Variants in SLC6A20 observed in about 807,000 individuals in gnomAD.
SLC6A20 encodes the protein sodium- and chloride-dependent transporter XTRP3.
Under a neutral mutation model 64.3 loss-of-function variants are expected in SLC6A20, and 73 were observed. The observed-to-expected ratio is 1.14, with a 90% CI of 0.94 to 1.38. SLC6A20 has a LOEUF of 1.38. Among genes scored for constraint, SLC6A20 ranks in the 40% most tolerant of loss-of-function variants. SLC6A20 has a pLI of 0.00. For synonymous variants in SLC6A20, 347 were observed against 329.6 expected (o/e 1.05, Z -0.57); for missense variants, 725 against 772.8 (o/e 0.94, Z 0.73).
Position 45,796,325 on chromosome 3 carries a change from G to T in SLC6A20, c.95C>A (p.Pro32Gln). Residue 32 changes from proline to glutamine, a missense_variant, in exon 1 of 11, where the codon CCG (proline) becomes CAG (glutamine). Transcript: ENST00000358525. ...AVGLGNVWRF[P>Q]YLCQMYGGGS... ...TCCGCCGTACATCTGGCACAGGTACGGGAATCGCCACACGTTGCCCAGGCC... is the reference window on the plus strand; with the variant it reads ...TCCGCCGTACATCTGGCACAGGTACTGGAATCGCCACACGTTGCCCAGGCC... 1 of 1,612,128 alleles carries T rather than the reference G, an allele frequency of 6.2e-7. No individual in the cohort carries two copies. The highest frequency in any genetic ancestry group is 8.5e-7 in the Non-Finnish European group (1 of 1,179,320).
intron 4 of SLC6A20, among the ~76,000 whole-genome samples, chr3:45,773,645 G>A (rs761989748): frequency 6.6e-6 from 1 of 152,154 alleles, no homozygotes; most frequent in Admixed American, 6.5e-5. Context: ...GAGTCTCTCT[G>A]TGAGAAATAT....
chr3:45,794,304 G>A (rs1347433945), intron 1 of SLC6A20, among the ~76,000 whole-genome samples: 2 of 152,158 alleles, frequency 1.3e-5, no homozygotes, highest in Non-Finnish European at 1.5e-5. Context: ...TGGAAATATT[G>A]GACAAGTGGT....
intron 1 of SLC6A20, 22 bp downstream of exon 1, chr3:45,796,277 C>A (rs1340327022): frequency 5.7e-6 from 9 of 1,583,716 alleles, no homozygotes; most frequent in Admixed American, 1.8e-5. Flanking sequence ...TGGGCTGGGG[C>A]CGGGGCGCGG....
intron 1 of SLC6A20, among the ~76,000 whole-genome samples, chr3:45,784,954 A>G (rs1203270934): frequency 2.6e-5 from 4 of 152,172 alleles, no homozygotes; most frequent in Admixed American, 6.5e-5. Context: ...TCAATAACAA[A>G]AACACTCCTG....
At chr3:45,773,233 G>A (rs1373073697) in intron 4 of SLC6A20, among the ~76,000 whole-genome samples, 3 of 152,238 alleles carry the variant, frequency 2.0e-5, no homozygotes, top group African/African-American at 7.2e-5. Context: ...GCAGCGAGGT[G>A]TAGCGTAGAG....
intron 5 of SLC6A20, 180 bp downstream of exon 5, chr3:45,772,325 C>A: frequency 1.8e-6 from 1 of 547,546 alleles, no homozygotes; most frequent in Non-Finnish European, 3.2e-6. Context: ...GATGACCTGG[C>A]TGAGGAGGTG....
At chr3:45,792,469 A>G (rs1011877794) in intron 1 of SLC6A20, among the ~76,000 whole-genome samples, 4 of 152,234 alleles carry the variant, frequency 2.6e-5, no homozygotes, top group African/African-American at 9.6e-5. Flanking sequence ...TGCCTGGCAC[A>G]TGCTAGGAGC....
intron 7 of SLC6A20, among the ~76,000 whole-genome samples, chr3:45,767,458 AAG>A (rs1192917799): frequency 5.3e-5 from 8 of 152,324 alleles, no homozygotes; most frequent in East Asian, 3.9e-4. Context: ...TGCAGCTGAA[AAG>A]AGAGTTAGTG....
intron 7 of SLC6A20, among the ~76,000 whole-genome samples, chr3:45,767,130 G>A (rs149324790): frequency 1.8e-4 from 27 of 152,280 alleles, no homozygotes; most frequent in African/African-American, 6.0e-4. Context: ...TTTATGTGCT[G>A]ACAACAAGGG....
Position 45,796,303 on chromosome 3 carries a change from G to A in SLC6A20, c.117C>T (p.Gly39=). 3.1e-6 allele frequency: 5 copies of A among 1,606,530 alleles called. 1 individual carries two copies. The Admixed American group carries it at 5.1e-5, about 16-fold the overall frequency. The change falls in exon 1 of 11, where the codon GGC becomes GGT. Residue 39 remains glycine (G), a synonymous_variant. Transcript: ENST00000358525. ...CGGGGCGCGGTGGGCACTCACCTCCGCCGTACATCTGGCACAGGTACGGGA... is the reference window on the plus strand; with the variant it reads ...CGGGGCGCGGTGGGCACTCACCTCCACCGTACATCTGGCACAGGTACGGGA... ...WRFPYLCQMY[G]GGSFLVPYII...
intron 3 of SLC6A20, among the ~76,000 whole-genome samples, chr3:45,776,587 G>A (rs143285180): frequency 2.0e-5 from 3 of 152,084 alleles, no homozygotes; most frequent in Non-Finnish European, 4.4e-5. Context: ...AGGTTCTCTC[G>A]GGCTCAGACA....
rs145164127 is a variant in SLC6A20, at chr3:45,775,822, A to G, written c.521T>C (p.Leu174Pro). The change falls in exon 4 of 11, where the codon CTC becomes CCC. Residue 174 changes from leucine to proline, a missense_variant. Coordinates refer to ENST00000358525, the MANE Select transcript of SLC6A20 (RefSeq NM_020208.4). ...GTACACCACCAGCCAGGCCAGGAGG[A>G]GGCACAGCGCCGGCTCCCACTGCAC... ...GGVQWEPALC[L>P]LLAWLVVYLC... 2 of 1,613,936 alleles carry G rather than the reference A, an allele frequency of 1.2e-6. No homozygotes were observed. The highest frequency in any genetic ancestry group is 1.7e-5 in the Admixed American group (1 of 60,004).
chr3:45,762,201 C>T (rs953829516), intron 9 of SLC6A20, among the ~76,000 whole-genome samples: 1 of 152,228 alleles, frequency 6.6e-6, no homozygotes, highest in Non-Finnish European at 1.5e-5. Flanking sequence ...TGCTCCCGCT[C>T]TAGGGACCAC....
intron 7 of SLC6A20, among the ~76,000 whole-genome samples, chr3:45,768,580 C>T (rs1699811460): frequency 6.6e-6 from 1 of 152,210 alleles, no homozygotes; most frequent in South Asian, 2.1e-4. Context: ...GGGAAGCAGG[C>T]TCATGCCACA....
chr3:45,758,453 T>C lies in SLC6A20; in HGVS notation c.*525A>G. On this transcript the variant is annotated 3_prime_UTR_variant, in exon 11 of 11. Coordinates refer to ENST00000358525, the MANE Select transcript of SLC6A20 (RefSeq NM_020208.4). ...CTTCTTTCTTTATAACTTGTCATCC[T>C]AAGATTTAAAGGGTGGAAGGGGAAC... 1 of 1,266,354 alleles carries C rather than the reference T, an allele frequency of 7.9e-7. No homozygotes were observed. Among genetic ancestry groups the C allele is most frequent in the Non-Finnish European group, 1.0e-6 (1 of 980,294 alleles). The allele number at this position is 1,266,354 out of a possible 1,614,324, so 78.4% of individuals were successfully genotyped here. A position where few individuals can be genotyped will look rare whatever the true frequency, so the allele number is the denominator to read the frequency against.
At chr3:45,761,540 ATC>A (rs991598255) in intron 9 of SLC6A20, among the ~76,000 whole-genome samples, 36 of 152,036 alleles carry the variant, frequency 2.4e-4, no homozygotes, top group African/African-American at 8.0e-4. Flanking sequence ...TCAGTGACCA[ATC>A]TCTTTCTCCC....
rs1699755709 is a variant in SLC6A20, at chr3:45,765,302, G to A, written c.1303+235C>T. On this transcript the variant is annotated intron_variant, in intron 8 of 10. Coordinates refer to ENST00000358525, the MANE Select transcript of SLC6A20 (RefSeq NM_020208.4). This position sits in a 1 kb window ranked among gnomAD's most constrained non-coding sequence, Gnocchi z 4.2. The stretch of plus-strand genomic sequence containing the variant: ...AGAACTTTGAATGTCAGGTTGGGGA[G>A]TTGGGTTGGGGTGGCCACTTCACTT... Among the ~76,000 whole-genome samples, 1 of 152,172 alleles carries A rather than the reference G, an allele frequency of 6.6e-6. No individual in the cohort carries two copies. The highest frequency in any genetic ancestry group is 1.9e-4 in the East Asian group (1 of 5,194).
chr3:45,764,754 GA>G (rs57823473), intron 8 of SLC6A20, among the ~76,000 whole-genome samples: 69,960 of 149,282 alleles, frequency 0.47, 18,183 homozygotes, highest in African/African-American at 0.71. Flanking sequence ...GTAGAAGTCA[GA>G]AATAGAGGTG....
In SLC6A20 at chr3:45,765,673, C is replaced by CTGGGACACCTCCATGTTTTTAA; in HGVS notation, c.1145_1166dup (p.Gln389HisfsTer2). 6 of 1,614,258 alleles carry CTGGGACACCTCCATGTTTTTAA rather than the reference C, an allele frequency of 3.7e-6. No homozygotes were observed. Among genetic ancestry groups the CTGGGACACCTCCATGTTTTTAA allele is most frequent in the Non-Finnish European group, 5.1e-6 (6 of 1,180,048 alleles). On this transcript the variant is annotated stop_gained and frameshift_variant, in exon 8 of 11. Transcript: ENST00000358525. LOFTEE classifies it high-confidence loss of function. The surrounding 1 kb of genome is among the most constrained non-coding windows in gnomAD (Gnocchi z 4.2). ...TGAAGAAGTAGAGCACCGACCACAG[C>CTGGGACACCTCCATGTTTTTAA]TGGGACACCTCCATGTTTTTAATGG...
Sources: gnomAD v4.1 joint callset for allele counts (sites outside exome capture counted in the v4.1 genomes callset) on GRCh38, gnomAD v4.1.1 for gene constraint, Gnocchi (gnomAD v3.1) non-coding constraint, MANE v1.5 for transcripts, NCBI Gene and HGNC (gene_info 2026-07-23, HGNC 2026-07-21) for gene names.